Variants in WWOX observed in about 807,000 individuals in gnomAD.
WWOX encodes WW domain-containing oxidoreductase.
Under a neutral mutation model 46.2 loss-of-function variants are expected in WWOX, and 69 were observed. That is an observed-to-expected ratio of 1.49 (90% CI 1.23 to 1.82). WWOX has a LOEUF of 1.82. Ranked by LOEUF, WWOX falls within the 40% of genes most tolerant of loss-of-function variation. The probability of loss-of-function intolerance (pLI) is 0.00; values close to 1 mark genes in which losing one functional copy is unlikely to be tolerated. For missense variants in WWOX, 919 were observed against 542.6 expected (o/e 1.69, Z -6.89); for synonymous variants, 359 against 202.6 (o/e 1.77, Z -6.56).
intron 8 of WWOX, among the ~76,000 whole-genome samples, chr16:79,084,586 T>C (rs1005925631): frequency 6.6e-6 from 1 of 152,164 alleles, no homozygotes; most frequent in African/African-American, 2.4e-5. Context: ...GGCTACTTTT[T>C]GTATTTTCAG....
At chr16:78,116,830 G>T (rs915874357) in intron 4 of WWOX, among the ~76,000 whole-genome samples, 1 of 152,186 alleles carries the variant, frequency 6.6e-6, no homozygotes, top group South Asian at 2.1e-4. Flanking sequence ...CTTCTAGCTA[G>T]ACTCTTTTTC....
At chr16:79,011,903 C>T (rs916654654) in intron 8 of WWOX, among the ~76,000 whole-genome samples, 1 of 152,196 alleles carries the variant, frequency 6.6e-6, no homozygotes. Flanking sequence ...ATCCTCCCGC[C>T]TCAGCCTCCT....
intron 8 of WWOX, among the ~76,000 whole-genome samples, chr16:78,940,810 T>A (rs143621513): frequency 1.7e-3 from 262 of 151,918 alleles, no homozygotes; most frequent in African/African-American, 4.7e-3. Flanking sequence ...GTCCTTAGAG[T>A]CTTTCAAGAG....
intron 8 of WWOX, among the ~76,000 whole-genome samples, chr16:78,974,772 C>G (rs547720775): frequency 2.0e-5 from 3 of 152,158 alleles, no homozygotes; most frequent in Non-Finnish European, 4.4e-5. Flanking sequence ...CAGCTCTCCA[C>G]CCTTCAGAAT....
chr16:78,807,707 A>G (rs899885298), intron 8 of WWOX, among the ~76,000 whole-genome samples: 1 of 152,242 alleles, frequency 6.6e-6, no homozygotes, highest in African/African-American at 2.4e-5. Context: ...AGAAGAAACA[A>G]CGTACTGTTA....
chr16:78,227,776 C>G (rs755445767), intron 5 of WWOX, among the ~76,000 whole-genome samples: 2 of 152,092 alleles, frequency 1.3e-5, no homozygotes, highest in Non-Finnish European at 2.9e-5. Context: ...ACTTGGGAGG[C>G]TGAGGCAGGA....
chr16:78,196,065 T>G (rs1002473358), intron 5 of WWOX, among the ~76,000 whole-genome samples: 1 of 152,188 alleles, frequency 6.6e-6, no homozygotes, highest in Admixed American at 6.5e-5. Context: ...GGGCCCCACT[T>G]AACCCTTTGT....
rs553076343 is a variant in WWOX at position 79,106,000 on chromosome 16, T to C, written c.1057-105608T>C. 2.6e-5 allele frequency: 4 copies of C among 152,216 alleles called. No individual in the cohort carries two copies. The East Asian group carries it at 7.7e-4, about 29-fold the overall frequency. 9.4% of individuals were successfully genotyped at this position (152,216 alleles called of 1,614,324 possible). ...GAATATCTTTCTATGACAGTAAATA[T>C]TATTTTACATCATTTTCAGTGATAC... On this transcript the variant is annotated intron_variant, in intron 8 of 8. Coordinates refer to ENST00000566780, the MANE Select transcript of WWOX (RefSeq NM_016373.4).
chr16:78,214,533 C>G (rs767199685), intron 5 of WWOX, among the ~76,000 whole-genome samples: 18 of 152,164 alleles, frequency 1.2e-4, no homozygotes, highest in Non-Finnish European at 2.5e-4. Flanking sequence ...GGACCTCAGC[C>G]CTCAGGGATT....
chr16:78,332,403 G>A (rs535750655), intron 5 of WWOX, among the ~76,000 whole-genome samples: 66 of 152,148 alleles, frequency 4.3e-4, no homozygotes, highest in Non-Finnish European at 7.2e-4. Context: ...CTGAGGGCAC[G>A]GGACACTCCT....
intron 8 of WWOX, among the ~76,000 whole-genome samples, chr16:78,774,928 G>A (rs2050153233): frequency 6.6e-6 from 1 of 152,160 alleles, no homozygotes; most frequent in Admixed American, 6.5e-5. Context: ...AGCACTCATG[G>A]ACAGCATGGG....
At chr16:78,383,480 T>C (rs2151931346) in intron 5 of WWOX, among the ~76,000 whole-genome samples, 1 of 152,198 alleles carries the variant, frequency 6.6e-6, no homozygotes, top group East Asian at 1.9e-4. Flanking sequence ...TGGGAGGAAA[T>C]CTCACCTTGG....
intron 8 of WWOX, among the ~76,000 whole-genome samples, chr16:78,587,140 C>G (rs2045227202): frequency 6.6e-6 from 1 of 151,532 alleles, no homozygotes; most frequent in Admixed American, 6.6e-5. Context: ...ATCCTCTTAC[C>G]TCAGCCTCTT....
intron 8 of WWOX, among the ~76,000 whole-genome samples, chr16:78,621,354 T>A (rs1029807724): frequency 3.3e-5 from 5 of 152,074 alleles, no homozygotes; most frequent in African/African-American, 1.2e-4. Context: ...TTCCTCCTAG[T>A]GGGCAGTTTG....
chr16:79,186,793 A>T (rs1415461547), intron 8 of WWOX, among the ~76,000 whole-genome samples: 1 of 152,028 alleles, frequency 6.6e-6, no homozygotes, highest in Non-Finnish European at 1.5e-5. Flanking sequence ...ATTTCTAGTA[A>T]TGAGGAAACT....
chr16:78,820,968 C>G (rs2051477545), intron 8 of WWOX, among the ~76,000 whole-genome samples: 1 of 152,146 alleles, frequency 6.6e-6, no homozygotes, highest in South Asian at 2.1e-4. Context: ...TACAAGGACA[C>G]CAGTCATTGG....
At chr16:78,490,813 C>A (rs2137096) in intron 8 of WWOX, among the ~76,000 whole-genome samples, 1 of 152,046 alleles carries the variant, frequency 6.6e-6, no homozygotes, top group South Asian at 2.1e-4. Context: ...GCAGAGCAGT[C>A]CGTTACTTAG....
At chr16:78,910,344 GC>G (rs967678808) in intron 8 of WWOX, among the ~76,000 whole-genome samples, 14 of 151,146 alleles carry the variant, frequency 9.3e-5, no homozygotes, top group Admixed American at 7.9e-4. Context: ...ACTAACAAGG[GC>G]CCTGACAGCC....
intron 8 of WWOX, among the ~76,000 whole-genome samples, chr16:78,953,221 G>T (rs1300137137): frequency 6.6e-6 from 1 of 151,386 alleles, no homozygotes; most frequent in Non-Finnish European, 1.5e-5. Flanking sequence ...TTTGGACCTA[G>T]ACTGAGCCAA....
Sources: gnomAD v4.1 joint callset for allele counts (sites outside exome capture counted in the v4.1 genomes callset) on GRCh38, gnomAD v4.1.1 for gene constraint, MANE v1.5 for transcripts, NCBI Gene and HGNC (gene_info 2026-07-23, HGNC 2026-07-21) for gene names.